The following SMCHD1 variants were observed in gnomAD, a reference collection of about 807,000 sequenced individuals.
The protein encoded by SMCHD1 is structural maintenance of chromosomes flexible hinge domain containing 1, also known as structural maintenance of chromosomes flexible hinge domain-containing protein 1.
In SMCHD1, 78 loss-of-function variants were observed where a neutral mutation model predicts 254.7. The observed-to-expected ratio is 0.31, with a 90% confidence interval of 0.26 to 0.37. The LOEUF (loss-of-function observed/expected upper bound fraction) is 0.37, where lower values mean the gene tolerates loss of function less well. SMCHD1 is among the 10% of genes least tolerant of loss of function. The pLI, the probability that SMCHD1 is intolerant of heterozygous loss-of-function variation, is 1.00. For synonymous variants in SMCHD1, 766 were observed against 794.9 expected, an observed-to-expected ratio of 0.96 and a Z score of 0.61; for missense variants, 1,840 against 2,408.1, an observed-to-expected ratio of 0.76 and a Z score of 4.94.
intron 14 of SMCHD1, among the ~76,000 whole-genome samples, 179 bp downstream of exon 14, chr18:2,705,986 C>T (rs1187881454): frequency 6.6e-6 from 1 of 152,084 alleles, no homozygotes; most frequent in East Asian, 1.9e-4. Context: ...AATTTAACAT[C>T]ATATGCTCAG....
At position 2,793,436 on chromosome 18, in the gene SMCHD1, G is replaced by T. The variant is rs547249363; in HGVS notation, c.5720-2513G>T. 7.2e-5 allele frequency among the ~76,000 whole-genome samples: 11 copies of T among 152,164 alleles called. No homozygotes were observed. In the South Asian group the frequency reaches 2.3e-3, roughly 32 times the overall value. On this transcript the variant is annotated intron_variant, in intron 45 of 47. Transcript: ENST00000320876. ...CCCAGCACTTTGGGAGGCTGAGGCG[G>T]GTGGATCACGAGGTCAGGAGATCAA...
chr18:2,727,444 AT>A (rs1224923018), intron 22 of SMCHD1, among the ~76,000 whole-genome samples: 1 of 152,148 alleles, frequency 6.6e-6, no homozygotes, highest in Non-Finnish European at 1.5e-5. Context: ...TAAGAAAAAA[AT>A]CATACGTATC....
chr18:2,722,236 A>G (rs1484768683), intron 19 of SMCHD1, among the ~76,000 whole-genome samples: 1 of 152,184 alleles, frequency 6.6e-6, no homozygotes, highest in Non-Finnish European at 1.5e-5. Flanking sequence ...TCAGGTGTTC[A>G]AGACCAGTGT....
At chr18:2,672,612 T>C (rs541406383) in intron 3 of SMCHD1, among the ~76,000 whole-genome samples, 35 of 152,332 alleles carry the variant, frequency 2.3e-4, no homozygotes, top group African/African-American at 7.9e-4. Context: ...GTTCCCTTTC[T>C]TTTTACTAAA....
intron 15 of SMCHD1, 112 bp from the exon 16 acceptor site, chr18:2,707,451 C>G: frequency 1.7e-6 from 1 of 594,918 alleles, no homozygotes; most frequent in Non-Finnish European, 2.7e-6. Flanking sequence ...CAGATTTAAC[C>G]TTTTAAAATA....
intron 41 of SMCHD1, among the ~76,000 whole-genome samples, chr18:2,774,701 A>G (rs1032078523): frequency 4.6e-5 from 7 of 152,110 alleles, no homozygotes; most frequent in Admixed American, 2.0e-4. Flanking sequence ...TTGGGTCACC[A>G]TGTCCAGCCT....
intron 42 of SMCHD1, among the ~76,000 whole-genome samples, chr18:2,776,291 A>G (rs1211308805): frequency 6.6e-6 from 1 of 152,118 alleles, no homozygotes; most frequent in Non-Finnish European, 1.5e-5. Flanking sequence ...CGTGATCACA[A>G]CTCAGTGCAG....
In SMCHD1 at chr18:2,751,292, G is replaced by A; in HGVS notation, c.4180G>A (p.Val1394Ile). 6.4e-7 allele frequency: 1 copy of A among 1,556,616 alleles called. No homozygotes were observed. Among genetic ancestry groups the A allele is most frequent in the Non-Finnish European group, 8.7e-7 (1 of 1,149,632 alleles). The change falls in exon 33 of 48, where the codon GTT becomes ATT. Residue 1394 changes from valine to isoleucine, a missense_variant. Physicochemically the swap from Val to Ile is conservative, Grantham distance 29. This residue lies in a region of SMCHD1 where 881 missense variants were observed against 1,009.5 expected (regional missense o/e 0.87). Transcript: ENST00000320876. ...TACCATGACAGATTTTATGATTAGT[G>A]TTATTTCTGAAGATGACAGTATCAT... ...GGLFTDFMIS[V>I]ISEDDSIIKN...
intron 41 of SMCHD1, among the ~76,000 whole-genome samples, chr18:2,773,273 T>C (rs2143757094): frequency 6.6e-6 from 1 of 152,304 alleles, no homozygotes; most frequent in South Asian, 2.1e-4. Context: ...TTTAAAATAT[T>C]ATTCCAATTT....
intron 1 of SMCHD1, 28 bp downstream of exon 1, chr18:2,656,289 G>T (rs759817247): frequency 6.9e-7 from 1 of 1,455,098 alleles, no homozygotes; most frequent in South Asian, 1.5e-5. Flanking sequence ...GAAGGGATGC[G>T]CGTGTAGACT....
intron 44 of SMCHD1, among the ~76,000 whole-genome samples, chr18:2,780,067 C>T (rs994472389): frequency 9.2e-5 from 14 of 151,546 alleles, no homozygotes; most frequent in Non-Finnish European, 2.1e-4. Context: ...GGTGAAATCC[C>T]GTCTCTACTA....
At chr18:2,667,994 C>T (rs890941955) in intron 3 of SMCHD1, among the ~76,000 whole-genome samples, 1 of 152,256 alleles carries the variant, frequency 6.6e-6, no homozygotes. Context: ...ATTCTCCTGC[C>T]TCTGCCTCCC....
At chr18:2,778,582 T>C (rs1598436673) in intron 44 of SMCHD1, among the ~76,000 whole-genome samples, 1 of 152,262 alleles carries the variant, frequency 6.6e-6, no homozygotes, top group South Asian at 2.1e-4. Flanking sequence ...GAAATATTAC[T>C]GTCCCACAAC....
chr18:2,706,710 G>A (rs2074523101), intron 15 of SMCHD1: 1 of 363,684 alleles, frequency 2.7e-6, no homozygotes, highest in Admixed American at 4.3e-5. Flanking sequence ...ACTTTTATAG[G>A]CACTATGATT....
intron 7 of SMCHD1, among the ~76,000 whole-genome samples, chr18:2,692,545 A>G (rs1568154832): frequency 1.3e-5 from 2 of 152,038 alleles, no homozygotes; most frequent in Non-Finnish European, 2.9e-5. Context: ...TGTCTTTTAT[A>G]TTATTTTCTT....
chr18:2,790,773 A>G (rs1191977829), intron 45 of SMCHD1, among the ~76,000 whole-genome samples: 2 of 152,186 alleles, frequency 1.3e-5, no homozygotes, highest in Non-Finnish European at 2.9e-5. Flanking sequence ...AAAACAAAAT[A>G]CCACAGTACA....
chr18:2,660,098 C>T (rs888405127), intron 1 of SMCHD1, among the ~76,000 whole-genome samples: 10 of 152,186 alleles, frequency 6.6e-5, no homozygotes, highest in Non-Finnish European at 1.5e-4. Context: ...CCAAGGCGGG[C>T]GGATCACCTG....
chr18:2,787,097 T>C (rs1219076623), intron 45 of SMCHD1, among the ~76,000 whole-genome samples: 1 of 152,214 alleles, frequency 6.6e-6, no homozygotes, highest in African/African-American at 2.4e-5. Flanking sequence ...AGATTGGGCA[T>C]CTGCATCTGG....
rs2076057043 is a variant in SMCHD1, at chr18:2,775,815, G to A, written c.5257G>A (p.Val1753Ile). Residue 1753 changes from valine (V) to isoleucine (I), a missense_variant, in exon 42 of 48, where the codon GTC becomes ATC. Coordinates refer to ENST00000320876, the MANE Select transcript of SMCHD1 (RefSeq NM_015295.3). ...TCTGGCAAGTGACATGGACTGTGTAGTCACCCTAACCACTGACGCTGCACG... is the reference window on the plus strand; with the variant it reads ...TCTGGCAAGTGACATGGACTGTGTAATCACCCTAACCACTGACGCTGCACG... ...WHLASDMDCVVTLTTDAARRI... is the reference protein window; with the variant it reads ...WHLASDMDCVITLTTDAARRI... The A allele has an allele frequency of 6.2e-7, 1 of 1,613,202 alleles. No homozygotes were observed. Among genetic ancestry groups the A allele is most frequent in the Admixed American group, 1.7e-5 (1 of 59,814 alleles).
Sources: gnomAD v4.1 joint callset for allele counts (sites outside exome capture counted in the v4.1 genomes callset) on GRCh38, gnomAD v4.1.1 for gene constraint, gnomAD v4.1.1 regional missense constraint, MANE v1.5 for transcripts, NCBI Gene and HGNC (gene_info 2026-07-23, HGNC 2026-07-21) for gene names.